RBMS1: variants seen among roughly 807,000 people sequenced by gnomAD.
RBMS1 encodes the protein RNA-binding motif, single-stranded-interacting protein 1.
A neutral mutation model predicts 62.3 loss-of-function variants in RBMS1; 17 were observed. The observed-to-expected ratio is 0.27, with a 90% confidence interval of 0.19 to 0.41. The LOEUF (loss-of-function observed/expected upper bound fraction) is 0.41, where lower values mean the gene tolerates loss of function less well. Ranked by LOEUF, RBMS1 falls within the 10% of genes least tolerant of loss-of-function variation. The pLI is 1.00. For missense variants in RBMS1, 334 were observed against 504.5 expected (o/e 0.66, Z 3.24); for synonymous variants, 172 against 170.0 (o/e 1.01, Z -0.09).
At chr2:160,369,606 G>T (rs985715763) in intron 1 of RBMS1, among the ~76,000 whole-genome samples, 5 of 152,212 alleles carry the variant, frequency 3.3e-5, no homozygotes, top group Admixed American at 2.6e-4. Flanking sequence ...TGTTTTCACA[G>T]TAGGACCCAG....
chr2:160,427,554 GATTTC>G (rs6146992), intron 1 of RBMS1, among the ~76,000 whole-genome samples: 42,612 of 151,690 alleles, frequency 0.28, 6,548 homozygotes, highest in East Asian at 0.59. Flanking sequence ...AATACATAGA[GATTTC>G]ATATAGATCC....
At chr2:160,277,938 A>G (rs1687920390) in intron 11 of RBMS1, 1 of 156,814 alleles carries the variant, frequency 6.4e-6, no homozygotes, top group South Asian at 1.9e-4. Context: ...TAGCCTTCAC[A>G]AGAAACAGCT....
intron 1 of RBMS1, among the ~76,000 whole-genome samples, chr2:160,429,356 A>G (rs1331487626): frequency 1.3e-5 from 2 of 152,212 alleles, no homozygotes; most frequent in Admixed American, 1.3e-4. Context: ...AGAACAGGTC[A>G]TTTTTGAAAC....
intron 1 of RBMS1, among the ~76,000 whole-genome samples, chr2:160,449,475 G>C (rs1175511824): frequency 6.6e-6 from 1 of 152,226 alleles, no homozygotes; most frequent in Non-Finnish European, 1.5e-5. Context: ...ATTTTGTTCT[G>C]TACTAAGAAA....
Position 160,334,728 on chromosome 2 carries a change from C to T in RBMS1, c.252-16501G>A, listed in dbSNP as rs1691473304. Among the ~76,000 whole-genome samples, 4 of 152,140 alleles carry T rather than the reference C, an allele frequency of 2.6e-5. No homozygotes were observed. The East Asian group carries it at 7.7e-4, about 29-fold the overall frequency. ...CAAGGAAATAATGCAACACAGCCCC[C>T]TTCTTTAGGGAGATGAAACAGAAAA... On this transcript the variant is annotated intron_variant, in intron 2 of 13. Transcript: ENST00000348849.
At chr2:160,309,962 T>C (rs558476068) in intron 4 of RBMS1, among the ~76,000 whole-genome samples, 1 of 152,314 alleles carries the variant, frequency 6.6e-6, no homozygotes, top group Admixed American at 6.5e-5. Flanking sequence ...CTCAAAATTT[T>C]TGTCAAATAA....
At chr2:160,401,032 G>T (rs2105231619) in intron 1 of RBMS1, among the ~76,000 whole-genome samples, 1 of 152,220 alleles carries the variant, frequency 6.6e-6, no homozygotes, top group South Asian at 2.1e-4. Context: ...CCAAAGGACT[G>T]CATGCTCATT....
chr2:160,282,337 T>C (rs1198417885), intron 9 of RBMS1: 2 of 1,366,212 alleles, frequency 1.5e-6, no homozygotes, highest in East Asian at 4.5e-5. Flanking sequence ...GCTTCTGCCT[T>C]GTTAACATTT....
At chr2:160,435,093 C>T (rs1483745711) in intron 1 of RBMS1, among the ~76,000 whole-genome samples, 1 of 152,088 alleles carries the variant, frequency 6.6e-6, no homozygotes, top group Non-Finnish European at 1.5e-5. Context: ...TAAGTAGAAC[C>T]AAGCAGAAAT....
chr2:160,451,174 T>G, intron 1 of RBMS1, among the ~76,000 whole-genome samples: 1 of 138,728 alleles, frequency 7.2e-6, no homozygotes, highest in African/African-American at 2.6e-5. Flanking sequence ...AAAAAATAAA[T>G]AAATAAAAAC....
chr2:160,318,707 G>C (rs1376207414), intron 2 of RBMS1, among the ~76,000 whole-genome samples: 3 of 152,214 alleles, frequency 2.0e-5, no homozygotes, highest in Non-Finnish European at 4.4e-5. Flanking sequence ...ACCATTGCAA[G>C]GCTCCATATC....
At chr2:160,311,224 C>CTATATATATATATATATATATATATATA (rs1553505400) in intron 4 of RBMS1, among the ~76,000 whole-genome samples, 1 of 56,634 alleles carries the variant, frequency 1.8e-5, no homozygotes, top group African/African-American at 6.2e-5. Flanking sequence ...ATCTATCTAT[C>CTATATATATATATATATATATATATATA]TATCTATCTA....
chr2:160,467,715 A>G (rs1684752169), intron 1 of RBMS1, among the ~76,000 whole-genome samples: 1 of 152,188 alleles, frequency 6.6e-6, no homozygotes, highest in East Asian at 1.9e-4. Context: ...CCATTAGTCT[A>G]TGTACCACTA....
chr2:160,442,151 T>C (rs1683434365), intron 1 of RBMS1, among the ~76,000 whole-genome samples: 1 of 152,246 alleles, frequency 6.6e-6, no homozygotes. Context: ...TGTTTAATTT[T>C]GATAATGTCC....
At chr2:160,424,366 G>GA (rs1491507651) in intron 1 of RBMS1, among the ~76,000 whole-genome samples, 2 of 25,158 alleles carry the variant, frequency 7.9e-5, no homozygotes, top group Non-Finnish European at 1.5e-4. Flanking sequence ...GTGAGAGATT[G>GA]GGGGGGGGGG....
At chr2:160,471,716 T>TATATATATATATATAAATATATATATAA (rs371634389) in intron 1 of RBMS1, among the ~76,000 whole-genome samples, 2 of 76,234 alleles carry the variant, frequency 2.6e-5, no homozygotes, top group East Asian at 5.8e-4. Context: ...TATATATATA[T>TATATATATATATATAAATATATATATAA]AACCTTTCAT....
intron 1 of RBMS1, among the ~76,000 whole-genome samples, chr2:160,486,893 T>C (rs1199473959): frequency 6.6e-6 from 1 of 152,174 alleles, no homozygotes; most frequent in African/African-American, 2.4e-5. Flanking sequence ...GAAATAAACA[T>C]CATTCCAAAT....
intron 3 of RBMS1, among the ~76,000 whole-genome samples, chr2:160,317,913 G>A (rs544033110): frequency 4.7e-4 from 71 of 152,170 alleles, no homozygotes; most frequent in African/African-American, 1.6e-3. Flanking sequence ...ATGCCAACCC[G>A]TATTTTGCAT....
intron 2 of RBMS1, among the ~76,000 whole-genome samples, chr2:160,323,109 T>C (rs537103398): frequency 6.6e-6 from 1 of 152,226 alleles, no homozygotes; most frequent in East Asian, 1.9e-4. Context: ...AACAGACATC[T>C]GGGTACAAAT....
Sources: gnomAD v4.1 joint callset for allele counts (sites outside exome capture counted in the v4.1 genomes callset) on GRCh38, gnomAD v4.1.1 for gene constraint, MANE v1.5 for transcripts, NCBI Gene and HGNC (gene_info 2026-07-23, HGNC 2026-07-21) for gene names.